The following SAMSN1 variants were observed in gnomAD, a reference collection of about 807,000 sequenced individuals.
SAMSN1 encodes the protein SAM domain, SH3 domain and nuclear localization signals 1.
In SAMSN1, 31 loss-of-function variants were observed where a neutral mutation model predicts 42.0. That is an observed-to-expected ratio of 0.74 (90% CI 0.55 to 1.00). The LOEUF (loss-of-function observed/expected upper bound fraction) is 1.00, where lower values mean the gene tolerates loss of function less well. SAMSN1 is among the 50% of genes least tolerant of loss of function. The pLI is 0.00. For synonymous variants in SAMSN1, 178 were observed against 151.9 expected, an observed-to-expected ratio of 1.17 and a Z score of -1.26; for missense variants, 464 against 439.4, an observed-to-expected ratio of 1.06 and a Z score of -0.50.
At chr21:14,491,455 G>A (rs1392652011) in intron 7 of SAMSN1, among the ~76,000 whole-genome samples, 1 of 152,150 alleles carries the variant, frequency 6.6e-6, no homozygotes, top group African/African-American at 2.4e-5. Context: ...CCATGTGAAA[G>A]CTACCTTCCC....
chr21:14,553,263 T>C (rs997262097), intron 2 of SAMSN1, among the ~76,000 whole-genome samples: 1 of 152,168 alleles, frequency 6.6e-6, no homozygotes, highest in Non-Finnish European at 1.5e-5. Context: ...AGTTAAATAT[T>C]GTTTAATGCT....
Position 14,498,520 on chromosome 21 carries a change from G to A in SAMSN1, c.841C>T (p.Leu281Phe). The change falls in exon 7 of 8, where the codon CTC becomes TTC. Residue 281 changes from leucine (L) to phenylalanine (F), a missense_variant. Leu to Phe is a conservative substitution (Grantham distance 22). Coordinates refer to ENST00000400566, the MANE Select transcript of SAMSN1 (RefSeq NM_022136.5). ...EDLKDIKESH[L>F]IELNIENPDD... ...GGGTTTTCAATATTTAATTCAATGA[G>A]GTGACTCTCTTTTATATCTTTTAAA... is the stretch of plus-strand genomic sequence containing the variant. 1 of 1,610,524 alleles carries A rather than the reference G, an allele frequency of 6.2e-7. No homozygotes were observed. Among genetic ancestry groups the A allele is most frequent in the Non-Finnish European group, 8.5e-7 (1 of 1,178,134 alleles).
At chr21:14,612,155 C>A (rs1982726107) in intron 4 of SAMSN1, among the ~76,000 whole-genome samples, 1 of 152,184 alleles carries the variant, frequency 6.6e-6, no homozygotes, top group Non-Finnish European at 1.5e-5. Flanking sequence ...ATTGCTTGAA[C>A]CCGGGAGGCA....
At chr21:14,527,394 G>A (rs2123068654) in intron 1 of SAMSN1, among the ~76,000 whole-genome samples, 1 of 152,248 alleles carries the variant, frequency 6.6e-6, no homozygotes, top group South Asian at 2.1e-4. Context: ...ACACTTCTGT[G>A]GGGTGTCAGG....
intron 2 of SAMSN1, among the ~76,000 whole-genome samples, chr21:14,575,139 T>C (rs1274209242): frequency 1.3e-5 from 2 of 152,168 alleles, no homozygotes; most frequent in African/African-American, 4.8e-5. Flanking sequence ...TACGTGACTT[T>C]GCTAAATGAG....
At chr21:14,591,655 G>A (rs1982089287) in intron 7 of SAMSN1, among the ~76,000 whole-genome samples, 1 of 152,146 alleles carries the variant, frequency 6.6e-6, no homozygotes, top group Non-Finnish European at 1.5e-5. Flanking sequence ...TAAGGTGAGA[G>A]TAGGGAGAAG....
At chr21:14,541,048 G>C (rs560488420) in intron 1 of SAMSN1, among the ~76,000 whole-genome samples, 35 of 149,512 alleles carry the variant, frequency 2.3e-4, no homozygotes, top group African/African-American at 8.4e-4. Flanking sequence ...ACCAAACACC[G>C]CATGTTCTCA....
intron 2 of SAMSN1, among the ~76,000 whole-genome samples, chr21:14,577,804 T>C (rs1010075514): frequency 3.3e-5 from 5 of 152,206 alleles, no homozygotes; most frequent in African/African-American, 1.2e-4. Flanking sequence ...GGTTTTTCCT[T>C]TCCCATTTCT....
At chr21:14,508,326 T>G (rs993307987) in intron 5 of SAMSN1, among the ~76,000 whole-genome samples, 1 of 151,018 alleles carries the variant, frequency 6.6e-6, no homozygotes, top group African/African-American at 2.4e-5. Flanking sequence ...AGGACTAATA[T>G]CCAAAATCTA....
intron 2 of SAMSN1, among the ~76,000 whole-genome samples, chr21:14,623,254 A>G (rs536228634): frequency 2.6e-5 from 4 of 152,242 alleles, no homozygotes; most frequent in Middle Eastern, 3.2e-3. Context: ...GGCAGGATCA[A>G]ATTCACACAT....
intron 1 of SAMSN1, chr21:14,643,278 T>C (rs1351907909): frequency 1.8e-6 from 1 of 562,920 alleles, no homozygotes; most frequent in African/African-American, 1.9e-5. Flanking sequence ...TATGCTAACT[T>C]TCAACAGTGA....
At chr21:14,581,782 G>A (rs2822784) in intron 2 of SAMSN1, among the ~76,000 whole-genome samples, 56,928 of 151,920 alleles carry the variant, frequency 0.37, 11,541 homozygotes, top group Middle Eastern at 0.46. Context: ...CAAATAAAAT[G>A]CTCATTAAAA....
At chr21:14,523,900 T>C (rs1438731918) in intron 1 of SAMSN1, among the ~76,000 whole-genome samples, 4 of 152,208 alleles carry the variant, frequency 2.6e-5, no homozygotes, top group Non-Finnish European at 5.9e-5. Flanking sequence ...AGTCGTGGTT[T>C]AAGAAGGACA....
At chr21:14,551,662 A>G (rs895181220) in intron 2 of SAMSN1, among the ~76,000 whole-genome samples, 2 of 152,156 alleles carry the variant, frequency 1.3e-5, no homozygotes, top group Non-Finnish European at 2.9e-5. Context: ...ATGAAGTAAT[A>G]TTATTCTACA....
intron 1 of SAMSN1, among the ~76,000 whole-genome samples, chr21:14,542,761 A>G (rs568300251): frequency 3.2e-4 from 48 of 152,256 alleles, no homozygotes; most frequent in Non-Finnish European, 5.6e-4. Flanking sequence ...CCTGAGCAAC[A>G]TAAGGAGACC....
chr21:14,592,660 A>G (rs1191108969), intron 7 of SAMSN1: 1 of 389,952 alleles, frequency 2.6e-6, no homozygotes, highest in Non-Finnish European at 5.5e-6. Context: ...TATCAAGGAA[A>G]AAGTGAGAAT....
chr21:14,487,301 T>G (rs1986477259), intron 7 of SAMSN1, among the ~76,000 whole-genome samples: 1 of 152,106 alleles, frequency 6.6e-6, no homozygotes, highest in South Asian at 2.1e-4. Context: ...ATTATAATGC[T>G]AATTAATTTA....
intron 2 of SAMSN1, among the ~76,000 whole-genome samples, chr21:14,642,165 A>G (rs571789163): frequency 7.9e-5 from 12 of 152,318 alleles, no homozygotes; most frequent in African/African-American, 2.9e-4. Context: ...AAATCTGTGT[A>G]TAAGTGGACC....
chr21:14,493,598 CACACACACACACACAT>C (rs1471288753), intron 7 of SAMSN1, among the ~76,000 whole-genome samples: 1 of 128,272 alleles, frequency 7.8e-6, no homozygotes, highest in Non-Finnish European at 1.8e-5. Flanking sequence ...CACACACACA[CACACACACACACACAT>C]ATTTTCTGTT....
Sources: allele counts gnomAD v4.1 joint callset (sites outside exome capture counted in the v4.1 genomes callset), GRCh38; gene constraint gnomAD v4.1.1; transcripts MANE v1.5; gene names NCBI Gene and HGNC (gene_info 2026-07-23, HGNC 2026-07-21).